KCNIP1: variants seen among roughly 807,000 people sequenced by gnomAD.
KCNIP1 encodes A-type potassium channel modulatory protein KCNIP1.
Under a neutral mutation model 33.0 loss-of-function variants are expected in KCNIP1, and 18 were observed. That is an observed-to-expected ratio of 0.55 (90% CI 0.38 to 0.81). The LOEUF is 0.81. Ranked by LOEUF, KCNIP1 falls within the 30% of genes least tolerant of loss-of-function variation. The pLI, the probability that KCNIP1 is intolerant of heterozygous loss-of-function variation, is 0.00. For synonymous variants in KCNIP1, 93 were observed against 98.3 expected (o/e 0.95, Z 0.32); for missense variants, 238 against 271.6 (o/e 0.88, Z 0.87).
At chr5:170,558,214 T>C (rs1436529752) in intron 1 of KCNIP1, among the ~76,000 whole-genome samples, 2 of 152,178 alleles carry the variant, frequency 1.3e-5, no homozygotes, top group Non-Finnish European at 2.9e-5. Context: ...AATCTCATCA[T>C]TTAAACTGCT....
intron 1 of KCNIP1, among the ~76,000 whole-genome samples, chr5:170,555,544 C>T (rs1483377266): frequency 1.3e-5 from 2 of 152,182 alleles, no homozygotes; most frequent in Non-Finnish European, 2.9e-5. Context: ...GCTGGCCCCA[C>T]GGTTTCTTCC....
chr5:170,499,660 C>G (rs1406184444), upstream of KCNIP1, among the ~76,000 whole-genome samples: 3 of 151,928 alleles, frequency 2.0e-5, no homozygotes, highest in South Asian at 4.1e-4. Context: ...AGAAACATGG[C>G]TAAGGGAGCA....
chr5:170,417,039 T>A (rs185285344), intron 1 of KCNIP1, among the ~76,000 whole-genome samples: 1 of 152,254 alleles, frequency 6.6e-6, no homozygotes, highest in East Asian at 1.9e-4. Flanking sequence ...GTATAAATAT[T>A]TAGTTAGAAG....
At chr5:170,465,652 AAG>A (rs140798118) in intron 1 of KCNIP1, among the ~76,000 whole-genome samples, 7 of 151,438 alleles carry the variant, frequency 4.6e-5, no homozygotes, top group Non-Finnish European at 7.4e-5. Context: ...GAGAGACAGA[AAG>A]AGAGAGAGAG....
At chr5:170,411,625 T>A (rs1458707872) in intron 1 of KCNIP1, among the ~76,000 whole-genome samples, 1 of 123,942 alleles carries the variant, frequency 8.1e-6, no homozygotes, top group African/African-American at 3.1e-5. Context: ...TTGAGCAGAA[T>A]TCAGACATGA....
intron 1 of KCNIP1, among the ~76,000 whole-genome samples, chr5:170,426,646 A>G (rs1755622319): frequency 1.3e-5 from 2 of 152,250 alleles, no homozygotes; most frequent in Non-Finnish European, 2.9e-5. Flanking sequence ...GGCTTAACAC[A>G]GTGCCTGAGC....
intron 1 of KCNIP1, among the ~76,000 whole-genome samples, chr5:170,654,802 C>A (rs1747022663): frequency 6.6e-6 from 1 of 152,194 alleles, no homozygotes; most frequent in Admixed American, 6.5e-5. Context: ...TTCACATCAT[C>A]TGGTTAATGG....
At chr5:170,618,851 T>C (rs1003009715) in intron 1 of KCNIP1, among the ~76,000 whole-genome samples, 5 of 152,190 alleles carry the variant, frequency 3.3e-5, no homozygotes, top group African/African-American at 1.2e-4. Flanking sequence ...CTTCATTCTT[T>C]CCTTCTCTTC....
chr5:170,466,512 G>T (rs1467654109), intron 1 of KCNIP1, among the ~76,000 whole-genome samples: 1 of 152,126 alleles, frequency 6.6e-6, no homozygotes, highest in African/African-American at 2.4e-5. Context: ...TAGGGCCAAG[G>T]CTAAAAGAAA....
rs543895933 is a variant in KCNIP1, at chr5:170,559,866, G to A, written c.61+55233G>A. 4.6e-5 allele frequency among the ~76,000 whole-genome samples: 7 copies of A among 152,312 alleles called. 1 individual carries two copies. In the South Asian group the frequency reaches 1.5e-3, roughly 32 times the overall value. On this transcript the variant is annotated intron_variant, in intron 1 of 7. Coordinates refer to ENST00000328939, the MANE Select transcript of KCNIP1 (RefSeq NM_014592.4). Reference sequence around the variant, plus strand: ...CTCAAAGCTGCAGGCTCCTCAGCCTGAACCTTAGACAGCGTCTTGGTCACC... The same window carrying A: ...CTCAAAGCTGCAGGCTCCTCAGCCTAAACCTTAGACAGCGTCTTGGTCACC...
intron 1 of KCNIP1, among the ~76,000 whole-genome samples, chr5:170,471,719 C>T (rs1581222287): frequency 6.6e-6 from 1 of 152,198 alleles, no homozygotes; most frequent in South Asian, 2.1e-4. Flanking sequence ...TGCCTCCTCC[C>T]TCTCTTCTCC....
At chr5:170,707,823 C>T (rs534538643) in intron 1 of KCNIP1, among the ~76,000 whole-genome samples, 1 of 151,852 alleles carries the variant, frequency 6.6e-6, no homozygotes, top group South Asian at 2.1e-4. Flanking sequence ...AGGACACTTT[C>T]AGGACTGAGG....
At chr5:170,528,200 GC>G (rs2113334788) in intron 1 of KCNIP1, among the ~76,000 whole-genome samples, 1 of 152,280 alleles carries the variant, frequency 6.6e-6, no homozygotes, top group East Asian at 1.9e-4. Flanking sequence ...GGCTCACTGG[GC>G]CCTGCTCCCC....
At chr5:170,592,818 A>T (rs192210410) in intron 1 of KCNIP1, among the ~76,000 whole-genome samples, 1 of 152,344 alleles carries the variant, frequency 6.6e-6, no homozygotes, top group East Asian at 1.9e-4. Flanking sequence ...AGTGCTAAGC[A>T]TGTGGCTAGC....
At chr5:170,440,190 AC>A (rs1299321665) in intron 1 of KCNIP1, among the ~76,000 whole-genome samples, 29 of 152,188 alleles carry the variant, frequency 1.9e-4, no homozygotes, top group Non-Finnish European at 2.9e-5. Context: ...CTCAGGGGAA[AC>A]CAACCTGCTG....
chr5:170,477,941 A>T (rs1045901193), intron 1 of KCNIP1, among the ~76,000 whole-genome samples: 2 of 152,198 alleles, frequency 1.3e-5, no homozygotes, highest in African/African-American at 4.8e-5. Flanking sequence ...ATGACAAAAA[A>T]ACTCCAATAG....
chr5:170,700,071 G>A (rs988359922), intron 1 of KCNIP1, among the ~76,000 whole-genome samples: 1 of 151,958 alleles, frequency 6.6e-6, no homozygotes, highest in African/African-American at 2.4e-5. Context: ...CACCCCTCTG[G>A]GCCTTGTTCC....
chr5:170,460,285 C>G (rs1002076277), intron 1 of KCNIP1, among the ~76,000 whole-genome samples: 1 of 152,040 alleles, frequency 6.6e-6, no homozygotes, highest in African/African-American at 2.4e-5. Context: ...ACCAATCCTA[C>G]TGACACTATT....
At chr5:170,431,684 G>A (rs1581186439) in intron 1 of KCNIP1, among the ~76,000 whole-genome samples, 1 of 152,206 alleles carries the variant, frequency 6.6e-6, no homozygotes. Context: ...GGGGGCCCTG[G>A]AAGACAGAGG....
Sources: allele counts gnomAD v4.1 joint callset (sites outside exome capture counted in the v4.1 genomes callset), GRCh38; gene constraint gnomAD v4.1.1; transcripts MANE v1.5; gene names NCBI Gene and HGNC (gene_info 2026-07-23, HGNC 2026-07-21).